MAML3: variants seen among roughly 807,000 people sequenced by gnomAD.
The protein encoded by MAML3 is mastermind like transcriptional coactivator 3, also known as mastermind-like protein 3.
In MAML3, 27 loss-of-function variants were observed where a neutral mutation model predicts 101.9. That is an observed-to-expected ratio of 0.27 (90% CI 0.20 to 0.37). The LOEUF is 0.37. MAML3 is among the 10% of genes least tolerant of loss of function. The pLI is 1.00. For missense variants in MAML3, 1,316 were observed against 1,444.9 expected (o/e 0.91, Z 1.45); for synonymous variants, 501 against 555.9 (o/e 0.90, Z 1.39).
intron 2 of MAML3, among the ~76,000 whole-genome samples, chr4:139,792,748 CTTT>C (rs397975047): frequency 2.8e-5 from 4 of 142,578 alleles, no homozygotes. Context: ...TTCTTTCTTT[CTTT>C]TTTTTTTTTT....
At chr4:140,037,247 A>AC (rs1727001309) in intron 1 of MAML3, among the ~76,000 whole-genome samples, 1 of 151,682 alleles carries the variant, frequency 6.6e-6, no homozygotes, top group Admixed American at 6.6e-5. Context: ...GCTTGAAAAA[A>AC]AAAAAACAAA....
intron 1 of MAML3, among the ~76,000 whole-genome samples, chr4:140,022,940 C>A (rs1300018470): frequency 1.3e-5 from 2 of 152,156 alleles, no homozygotes; most frequent in Non-Finnish European, 2.9e-5. Flanking sequence ...TAAGGGACAG[C>A]ACAGAGTAGC....
intron 2 of MAML3, among the ~76,000 whole-genome samples, chr4:139,757,642 CAAAAA>C (rs10583574): frequency 2.9e-5 from 3 of 104,596 alleles, no homozygotes; most frequent in Non-Finnish European, 5.7e-5. Context: ...GGCTCCATTT[CAAAAA>C]AAAAAAAAAA....
intron 1 of MAML3, among the ~76,000 whole-genome samples, chr4:140,061,157 C>T (rs1727442110): frequency 6.6e-6 from 1 of 152,232 alleles, no homozygotes; most frequent in African/African-American, 2.4e-5. Flanking sequence ...CCTGTTCCCT[C>T]AGCCACCAGC....
chr4:139,814,910 A>G (rs935035453), intron 2 of MAML3, among the ~76,000 whole-genome samples: 1 of 152,214 alleles, frequency 6.6e-6, no homozygotes, highest in Admixed American at 6.5e-5. Flanking sequence ...AGAGTTTTAT[A>G]TGCTATTTCC....
intron 1 of MAML3, among the ~76,000 whole-genome samples, chr4:139,948,801 C>A (rs1733781209): frequency 1.3e-5 from 2 of 152,070 alleles, no homozygotes; most frequent in Admixed American, 6.5e-5. Flanking sequence ...TACAATTAAA[C>A]CTCACAAGAT....
At chr4:139,733,239 C>A (rs1253255167) in intron 2 of MAML3, among the ~76,000 whole-genome samples, 5 of 152,202 alleles carry the variant, frequency 3.3e-5, no homozygotes, top group African/African-American at 1.2e-4. Flanking sequence ...ATATTTGATA[C>A]TTTCCAGTTT....
At chr4:139,939,867 C>T (rs1056833222) in intron 1 of MAML3, among the ~76,000 whole-genome samples, 17 of 151,250 alleles carry the variant, frequency 1.1e-4, no homozygotes, top group Non-Finnish European at 1.9e-4. Flanking sequence ...TCGATTCAAG[C>T]GATTCTCCTG....
At chr4:139,881,429 T>A (rs1732216574) in intron 2 of MAML3, among the ~76,000 whole-genome samples, 1 of 152,158 alleles carries the variant, frequency 6.6e-6, no homozygotes, top group African/African-American at 2.4e-5. Flanking sequence ...CCCTCAGCCA[T>A]GAGATGGAAG....
At chr4:139,751,077 G>C (rs1359045705) in intron 2 of MAML3, among the ~76,000 whole-genome samples, 1 of 152,174 alleles carries the variant, frequency 6.6e-6, no homozygotes, top group Non-Finnish European at 1.5e-5. Flanking sequence ...CTCTGGATCT[G>C]GCCTGCAGAG....
chr4:139,918,881 GT>G (rs752331406), intron 1 of MAML3, among the ~76,000 whole-genome samples: 14 of 152,132 alleles, frequency 9.2e-5, no homozygotes, highest in Non-Finnish European at 1.8e-4. Context: ...ACCTAGCAGA[GT>G]ACCGCGCATA....
At chr4:140,002,778 T>A (rs557786720) in intron 1 of MAML3, among the ~76,000 whole-genome samples, 6 of 152,188 alleles carry the variant, frequency 3.9e-5, no homozygotes, top group Non-Finnish European at 7.4e-5. Flanking sequence ...GCTTGATTTG[T>A]TTACTAGGTA....
intron 1 of MAML3, among the ~76,000 whole-genome samples, chr4:140,147,728 A>G (rs1303359513): frequency 6.6e-6 from 1 of 152,252 alleles, no homozygotes; most frequent in Non-Finnish European, 1.5e-5. Flanking sequence ...TAATGTGGAA[A>G]AAGACAACAG....
intron 1 of MAML3, among the ~76,000 whole-genome samples, chr4:139,900,661 T>C (rs975552264): frequency 1.3e-5 from 2 of 152,212 alleles, no homozygotes; most frequent in African/African-American, 4.8e-5. Flanking sequence ...GTTAACAAAA[T>C]TATCAACTAC....
At chr4:139,822,398 G>A (rs1023808563) in intron 2 of MAML3, among the ~76,000 whole-genome samples, 1 of 152,116 alleles carries the variant, frequency 6.6e-6, no homozygotes, top group African/African-American at 2.4e-5. Context: ...AGTTTCTGGG[G>A]TAAGTTCTGG....
At chr4:139,877,205 G>A (rs1367832600) in intron 2 of MAML3, among the ~76,000 whole-genome samples, 2 of 152,144 alleles carry the variant, frequency 1.3e-5, no homozygotes, top group Non-Finnish European at 2.9e-5. Context: ...TAACTAACAT[G>A]AAAGATATTT....
intron 2 of MAML3, among the ~76,000 whole-genome samples, chr4:139,808,892 CAT>C (rs1005561484): frequency 3.3e-5 from 5 of 152,138 alleles, no homozygotes; most frequent in African/African-American, 4.8e-5. Flanking sequence ...TGAATGTACA[CAT>C]GTGTGAGACC....
chr4:139,864,058 A>G (rs1005192020), intron 2 of MAML3, among the ~76,000 whole-genome samples: 2 of 152,224 alleles, frequency 1.3e-5, no homozygotes, highest in African/African-American at 2.4e-5. Flanking sequence ...TTGTAAAATA[A>G]TATCTGCCAT....
At chr4:140,093,486 G>A (rs532948920) in intron 1 of MAML3, among the ~76,000 whole-genome samples, 100 of 147,074 alleles carry the variant, frequency 6.8e-4, no homozygotes, top group African/African-American at 2.3e-3. Flanking sequence ...GCACTATCTC[G>A]GCTCACTGCA....
Sources: allele counts gnomAD v4.1 joint callset (sites outside exome capture counted in the v4.1 genomes callset), GRCh38; gene constraint gnomAD v4.1.1; transcripts MANE v1.5; gene names NCBI Gene and HGNC (gene_info 2026-07-23, HGNC 2026-07-21).